SORCS2: variants seen among roughly 807,000 people sequenced by gnomAD.
The protein encoded by SORCS2 is sortilin related VPS10 domain containing receptor 2, also known as VPS10 domain-containing receptor SorCS2.
Under a neutral mutation model 141.6 loss-of-function variants are expected in SORCS2, and 100 were observed. The ratio of observed to expected loss-of-function variants is 0.71; its 90% CI spans 0.60 to 0.83. The LOEUF (loss-of-function observed/expected upper bound fraction) is 0.83. Ranked by LOEUF, SORCS2 falls within the 40% of genes least tolerant of loss-of-function variation. The pLI is 0.00. For synonymous variants in SORCS2, 789 were observed against 676.9 expected, an observed-to-expected ratio of 1.17 and a Z score of -2.57; for missense variants, 1,646 against 1,560.2, an observed-to-expected ratio of 1.05 and a Z score of -0.93.
chr4:7,556,674 A>G (rs1714129556), intron 3 of SORCS2, among the ~76,000 whole-genome samples: 1 of 151,920 alleles, frequency 6.6e-6, no homozygotes, highest in Non-Finnish European at 1.5e-5. Flanking sequence ...CCATCCATCC[A>G]TCCAGTCACC....
At chr4:7,482,538 A>G (rs369550806) in intron 2 of SORCS2, among the ~76,000 whole-genome samples, 34 of 55,176 alleles carry the variant, frequency 6.2e-4, no homozygotes, top group East Asian at 1.3e-3. Context: ...CTGTATCCCC[A>G]CTGCGGACAC....
chr4:7,476,524 C>A (rs1730301984), intron 2 of SORCS2, among the ~76,000 whole-genome samples: 1 of 152,156 alleles, frequency 6.6e-6, no homozygotes, highest in Non-Finnish European at 1.5e-5. Flanking sequence ...TTGATTGGAT[C>A]ACTGGGAACC....
intron 2 of SORCS2, among the ~76,000 whole-genome samples, chr4:7,497,192 C>T (rs1731682211): frequency 6.6e-6 from 1 of 152,252 alleles, no homozygotes; most frequent in South Asian, 2.1e-4. Flanking sequence ...CTGCCACACT[C>T]TGGTGTTGGT....
chr4:7,565,916 T>C (rs971504331), intron 3 of SORCS2, among the ~76,000 whole-genome samples: 1 of 150,326 alleles, frequency 6.7e-6, no homozygotes, highest in Non-Finnish European at 1.5e-5. Context: ...ATGGTGGTGA[T>C]GGTGATGATG....
chr4:7,403,983 ATATATATATATATATTTTTTTTTTT>A (rs1173342957), intron 2 of SORCS2, among the ~76,000 whole-genome samples: 2 of 20,226 alleles, frequency 9.9e-5, no homozygotes, highest in Non-Finnish European at 2.2e-4. Flanking sequence ...ATATATATAT[ATATATATATATATATTTTTTTTTTT>A]TTTTTAGTAT....
At chr4:7,521,869 G>A (rs1381596089) in intron 2 of SORCS2, among the ~76,000 whole-genome samples, 1 of 152,230 alleles carries the variant, frequency 6.6e-6, no homozygotes, top group Non-Finnish European at 1.5e-5. Context: ...CTGGCACTCA[G>A]CCTCGCAGCT....
At position 7,714,284 on chromosome 4, in the gene SORCS2, A is replaced by G. The variant is rs952060984; in HGVS notation, c.2034A>G (p.Arg678=). The part of the protein sequence containing the change: ...IMGQQRSFRK[R]KSTSWCIKGR... Reference sequence around the variant, plus strand: ...GCCAGCAGAGAAGTTTCCGGAAAAGAAAGTCCACGTCCTGGTGCATCAAGG... The same window carrying G: ...GCCAGCAGAGAAGTTTCCGGAAAAGGAAGTCCACGTCCTGGTGCATCAAGG... Residue 678 remains arginine (R), a synonymous_variant, in exon 16 of 27, where the codon AGA becomes AGG. Transcript: ENST00000507866. 2 of 1,609,438 alleles carry G rather than the reference A, an allele frequency of 1.2e-6. No individual in the cohort carries two copies. The highest frequency in any genetic ancestry group is 2.7e-5 in the African/African-American group (2 of 74,860).
At chr4:7,235,805 C>T (rs1712226536) in intron 1 of SORCS2, among the ~76,000 whole-genome samples, 1 of 152,222 alleles carries the variant, frequency 6.6e-6, no homozygotes, top group South Asian at 2.1e-4. Context: ...GTTCCGTTTG[C>T]TGCAAAGGTG....
intron 2 of SORCS2, among the ~76,000 whole-genome samples, chr4:7,502,031 C>G (rs1298834879): frequency 6.6e-6 from 1 of 152,200 alleles, no homozygotes; most frequent in African/African-American, 2.4e-5. Context: ...CAGTCCTTCT[C>G]TGTTCAACCA....
chr4:7,726,929 CA>C, intron 21 of SORCS2, 26 bp downstream of exon 21: 1 of 1,603,984 alleles, frequency 6.2e-7, no homozygotes, highest in Non-Finnish European at 8.5e-7. Flanking sequence ...GGTCTGGCAG[CA>C]CGGCCTCTGC....
intron 3 of SORCS2, among the ~76,000 whole-genome samples, chr4:7,575,579 G>A (rs959217279): frequency 7.2e-5 from 11 of 152,270 alleles, no homozygotes; most frequent in South Asian, 2.1e-4. Context: ...CTTAAGTTTC[G>A]CAATAACAGT....
At chr4:7,519,884 A>G (rs762781329) in intron 2 of SORCS2, among the ~76,000 whole-genome samples, 18 of 152,340 alleles carry the variant, frequency 1.2e-4, no homozygotes, top group Non-Finnish European at 2.2e-4. Context: ...TCTCAGCCCC[A>G]CAGGATCCTG....
chr4:7,514,168 G>A (rs1466322753), intron 2 of SORCS2, among the ~76,000 whole-genome samples: 3 of 152,140 alleles, frequency 2.0e-5, no homozygotes, highest in Non-Finnish European at 4.4e-5. Context: ...TGAAGCGGGG[G>A]CCACTCAGCA....
At chr4:7,633,790 A>AAGGCGG (rs1168574096) in intron 3 of SORCS2, among the ~76,000 whole-genome samples, 11 of 59,502 alleles carry the variant, frequency 1.8e-4, no homozygotes, top group Non-Finnish European at 3.5e-4. Flanking sequence ...GCGCTCCTTC[A>AAGGCGG]TGTGTCCGTC....
At chr4:7,421,966 C>T (rs1312803037) in intron 2 of SORCS2, among the ~76,000 whole-genome samples, 1 of 151,228 alleles carries the variant, frequency 6.6e-6, no homozygotes, top group Non-Finnish European at 1.5e-5. Flanking sequence ...GAGATGCTCA[C>T]TTCCCTTGTC....
chr4:7,602,684 C>T (rs971082212), intron 3 of SORCS2, among the ~76,000 whole-genome samples: 5 of 143,482 alleles, frequency 3.5e-5, no homozygotes, highest in African/African-American at 1.0e-4. Context: ...GCTGGGCGGC[C>T]GGGCAGAGGG....
intron 2 of SORCS2, among the ~76,000 whole-genome samples, chr4:7,443,443 C>G (rs901971631): frequency 2.6e-5 from 4 of 152,202 alleles, no homozygotes; most frequent in East Asian, 1.9e-4. Flanking sequence ...GGAGCCTCAA[C>G]CCCCTGAGAT....
chr4:7,304,176 C>A (rs771555387), intron 1 of SORCS2, among the ~76,000 whole-genome samples: 1 of 152,256 alleles, frequency 6.6e-6, no homozygotes, highest in Admixed American at 6.5e-5. Context: ...CCTGAGTCTT[C>A]GCTCTTTCCT....
intron 3 of SORCS2, among the ~76,000 whole-genome samples, chr4:7,622,624 C>A (rs901168054): frequency 6.6e-6 from 1 of 152,094 alleles, no homozygotes; most frequent in African/African-American, 2.4e-5. Flanking sequence ...GGCGCCTGGC[C>A]GGGCTCTGTC....
Sources: allele counts gnomAD v4.1 joint callset (sites outside exome capture counted in the v4.1 genomes callset), GRCh38; gene constraint gnomAD v4.1.1; transcripts MANE v1.5; gene names NCBI Gene and HGNC (gene_info 2026-07-23, HGNC 2026-07-21).